GPR89B: variants seen among roughly 807,000 people sequenced by gnomAD.
GPR89B encodes the protein golgi pH regulator B.
GPR89B carries 25 observed loss-of-function variants against 52.4 expected under a neutral mutation model. The ratio of observed to expected loss-of-function variants is 0.48; its 90% CI spans 0.35 to 0.67. GPR89B has a LOEUF of 0.67. GPR89B is among the 30% of genes least tolerant of loss of function. The pLI, the probability that GPR89B is intolerant of heterozygous loss-of-function variation, is 0.01. For synonymous variants in GPR89B, 52 were observed against 151.2 expected, an observed-to-expected ratio of 0.34 and a Z score of 4.81; for missense variants, 146 against 450.2, an observed-to-expected ratio of 0.32 and a Z score of 6.11.
At chr1:147,961,949 CA>C (rs1440784140) in intron 7 of GPR89B, among the ~76,000 whole-genome samples, 2 of 151,734 alleles carry the variant, frequency 1.3e-5, no homozygotes, top group Non-Finnish European at 2.9e-5. Context: ...TAGATATACA[CA>C]AAATTATTCT....
the GPR89B span, among the ~76,000 whole-genome samples, chr1:148,021,201 G>A: frequency 3.3e-5 from 5 of 151,348 alleles, no homozygotes; most frequent in African/African-American, 1.2e-4. Context: ...ATGGAGTGCG[G>A]CTCAAGAAAT....
the GPR89B span, among the ~76,000 whole-genome samples, chr1:148,004,242 T>C: frequency 4.0e-5 from 6 of 150,788 alleles, no homozygotes; most frequent in African/African-American, 1.5e-4. Context: ...CTGCAAGCTC[T>C]GCCTCCCGGG....
At chr1:147,976,152 T>C (rs2149083527) in intron 10 of GPR89B, among the ~76,000 whole-genome samples, 1 of 152,268 alleles carries the variant, frequency 6.6e-6, no homozygotes, top group Middle Eastern at 3.4e-3. Context: ...GAGAGTTCTG[T>C]AGATATCTAT....
intron 7 of GPR89B, among the ~76,000 whole-genome samples, chr1:147,962,722 C>A (rs1656689178): frequency 6.6e-6 from 1 of 151,450 alleles, no homozygotes; most frequent in Admixed American, 6.6e-5. Context: ...CATGGTGAAA[C>A]CCTGTCTCTA....
chr1:147,993,905 C>T, downstream of GPR89B: 1 of 158,938 alleles, frequency 6.3e-6, no homozygotes, highest in South Asian at 1.7e-4. Context: ...GTTACAAAAG[C>T]ACAATTTTAA....
the GPR89B span, chr1:148,010,051 T>TAA: frequency 1.5e-3 from 177 of 117,692 alleles, no homozygotes; most frequent in Middle Eastern, 4.3e-3. Context: ...CTCATGGGTT[T>TAA]AAAAAAAAAA....
At chr1:147,977,207 C>G (rs1364229410) in intron 10 of GPR89B, among the ~76,000 whole-genome samples, 1 of 134,052 alleles carries the variant, frequency 7.5e-6, no homozygotes, top group Non-Finnish European at 1.5e-5. Context: ...GCACTCCAGC[C>G]TGGGTGACAG....
chr1:147,962,755 C>T lies in GPR89B; in HGVS notation c.618-3799C>T, dbSNP rs1489888162. Among the ~76,000 whole-genome samples, 472 of 151,136 alleles carry T rather than the reference C, an allele frequency of 3.1e-3. 7 individuals are homozygous for T. Among genetic ancestry groups the T allele is most frequent in the African/African-American group, 0.011 (451 of 41,010 alleles). The stretch of plus-strand genomic sequence containing the variant: ...CTACTAAAAATACAAAAAATTAGCC[C>T]GGTGTGGTGGCGGGCACCTGTAATC... On this transcript the variant is annotated intron_variant, in intron 7 of 13. Coordinates refer to ENST00000314163, the MANE Select transcript of GPR89B (RefSeq NM_016334.5).
At chr1:148,022,106 C>T in the GPR89B span, 1 of 151,500 alleles carries the variant, frequency 6.6e-6, no homozygotes, top group East Asian at 1.9e-4. Flanking sequence ...ATTAACCTTC[C>T]ACACACACCG....
chr1:147,959,152 T>C (rs1408443657), intron 7 of GPR89B, among the ~76,000 whole-genome samples: 33 of 152,224 alleles, frequency 2.2e-4, no homozygotes, highest in Non-Finnish European at 2.2e-4. Context: ...ACATTTGTTA[T>C]GTACAAAAAA....
chr1:147,941,749 A>AT (rs1339121140), intron 3 of GPR89B, among the ~76,000 whole-genome samples: 5 of 151,158 alleles, frequency 3.3e-5, no homozygotes, highest in African/African-American at 1.2e-4. Context: ...AACTGATCAA[A>AT]TTTTTTATTT....
At chr1:147,969,347 G>A in intron 9 of GPR89B, 1 of 230,044 alleles carries the variant, frequency 4.3e-6, no homozygotes, top group South Asian at 8.2e-5. Flanking sequence ...TATTTTAAAG[G>A]ATCCAGATCA....
the GPR89B span, chr1:148,014,377 C>A: frequency 6.6e-6 from 1 of 151,650 alleles, no homozygotes; most frequent in Non-Finnish European, 1.5e-5. Context: ...GGGTCCCTGG[C>A]GGCGATATCC....
At chr1:148,023,146 T>C in the GPR89B span, among the ~76,000 whole-genome samples, 1 of 150,294 alleles carries the variant, frequency 6.7e-6, no homozygotes, top group Admixed American at 6.6e-5. Flanking sequence ...TTTATGTCCA[T>C]GTGAGCTCAA....
chr1:147,977,409 G>A (rs1657924687), intron 10 of GPR89B, among the ~76,000 whole-genome samples: 1 of 151,580 alleles, frequency 6.6e-6, no homozygotes, highest in South Asian at 2.1e-4. Context: ...CGACCTTGGA[G>A]AATCTGATGA....
chr1:147,999,630 A>T, the GPR89B span, among the ~76,000 whole-genome samples: 1 of 150,146 alleles, frequency 6.7e-6, no homozygotes, highest in Non-Finnish European at 1.5e-5. Flanking sequence ...TCCTTCTTAC[A>T]TGTAATAGCC....
At chr1:147,989,822 A>T (rs1186171048) in intron 12 of GPR89B, among the ~76,000 whole-genome samples, 1 of 152,170 alleles carries the variant, frequency 6.6e-6, no homozygotes, top group African/African-American at 2.4e-5. Flanking sequence ...TTCTTAATCC[A>T]GTCTATCATT....
At chr1:147,954,583 C>T (rs1233276336) in intron 7 of GPR89B, among the ~76,000 whole-genome samples, 181 bp downstream of exon 7, 1 of 150,984 alleles carries the variant, frequency 6.6e-6, no homozygotes, top group Non-Finnish European at 1.5e-5. Context: ...TTTGGGAGGC[C>T]ACGACGGGGG....
At chr1:147,959,805 G>T (rs1228050144) in intron 7 of GPR89B, among the ~76,000 whole-genome samples, 1 of 151,858 alleles carries the variant, frequency 6.6e-6, no homozygotes, top group East Asian at 1.9e-4. Flanking sequence ...TTCTTGGTGC[G>T]ATTTGCAAGG....
Sources: gnomAD v4.1 joint callset for allele counts (sites outside exome capture counted in the v4.1 genomes callset) on GRCh38, gnomAD v4.1.1 for gene constraint, MANE v1.5 for transcripts, NCBI Gene and HGNC (gene_info 2026-07-23, HGNC 2026-07-21) for gene names.